The following GDPD1 variants were observed in gnomAD, a reference collection of about 807,000 sequenced individuals.
GDPD1 encodes the protein glycerophosphodiester phosphodiesterase domain containing 1, also known as lysophospholipase D GDPD1.
In GDPD1, 28 loss-of-function variants were observed where a neutral mutation model predicts 45.1. The observed-to-expected ratio is 0.62, with a 90% CI of 0.46 to 0.85. GDPD1 has a LOEUF of 0.85. Among genes scored for constraint, GDPD1 ranks in the 40% least tolerant of loss-of-function variants. GDPD1 has a pLI of 0.00. For missense variants in GDPD1, 256 were observed against 364.8 expected, an observed-to-expected ratio of 0.70 and a Z score of 2.43; for synonymous variants, 139 against 131.4, an observed-to-expected ratio of 1.06 and a Z score of -0.40.
At chr17:59,255,874 TAC>T (rs1226181221) in intron 4 of GDPD1, among the ~76,000 whole-genome samples, 31 of 46,434 alleles carry the variant, frequency 6.7e-4, no homozygotes, top group Middle Eastern at 7.4e-3. Flanking sequence ...TATATATATA[TAC>T]ACACACACAC....
chr17:59,237,937 T>C (rs2047145544), intron 2 of GDPD1, among the ~76,000 whole-genome samples: 3 of 124,342 alleles, frequency 2.4e-5, no homozygotes, highest in South Asian at 5.3e-4. Flanking sequence ...GGGCACAGCC[T>C]GGGCAACAGA....
At chr17:59,229,287 G>A (rs1372998025) in intron 1 of GDPD1, among the ~76,000 whole-genome samples, 1 of 150,418 alleles carries the variant, frequency 6.6e-6, no homozygotes, top group Non-Finnish European at 1.5e-5. Context: ...CGAGTAGCTG[G>A]GATTACAGAT....
At chr17:59,255,786 C>CAT (rs2047296379) in intron 4 of GDPD1, among the ~76,000 whole-genome samples, 1 of 40,410 alleles carries the variant, frequency 2.5e-5, no homozygotes, top group African/African-American at 2.0e-4. Context: ...TATATATATA[C>CAT]GCGTATATAT....
At chr17:59,270,787 C>A (rs1441638869) in intron 7 of GDPD1, 149 bp from the exon 8 acceptor site, 1 of 496,710 alleles carries the variant, frequency 2.0e-6, no homozygotes, top group East Asian at 3.5e-5. Flanking sequence ...ACCCAACTGG[C>A]CTTTATTTTA....
At chr17:59,241,753 C>G (rs369493768) in intron 2 of GDPD1, among the ~76,000 whole-genome samples, 2 of 151,888 alleles carry the variant, frequency 1.3e-5, no homozygotes, top group East Asian at 2.0e-4. Context: ...CATGGTGAAA[C>G]CTCATCTCTA....
At chr17:59,257,331 C>A in intron 5 of GDPD1, 91 bp downstream of exon 5, 2 of 681,060 alleles carry the variant, frequency 2.9e-6, no homozygotes, top group South Asian at 4.1e-5. Context: ...ATTGATAATG[C>A]TCAAGGAAAT....
intron 7 of GDPD1, among the ~76,000 whole-genome samples, chr17:59,268,591 A>AAAG (rs2047418409): frequency 1.4e-5 from 2 of 147,034 alleles, no homozygotes; most frequent in African/African-American, 5.1e-5. Flanking sequence ...AAAAAAAAAA[A>AAAG]AAAAAAAAAA....
intron 6 of GDPD1, among the ~76,000 whole-genome samples, chr17:59,266,357 C>CA (rs1261396839): frequency 7.1e-6 from 1 of 140,222 alleles, no homozygotes; most frequent in Non-Finnish European, 1.5e-5. Flanking sequence ...CACTGCACTC[C>CA]AACCTGGGTG....
intron 2 of GDPD1, among the ~76,000 whole-genome samples, chr17:59,243,605 C>G (rs1819636332): frequency 6.6e-6 from 1 of 152,044 alleles, no homozygotes. Context: ...AGCCATCAGG[C>G]TGTTTTAGGC....
chr17:59,222,505 C>CTTTTTTTTTTTTTTTTTTTTTTTTT (rs149536097), intron 1 of GDPD1, among the ~76,000 whole-genome samples: 2 of 41,738 alleles, frequency 4.8e-5, no homozygotes, highest in Non-Finnish European at 9.2e-5. Flanking sequence ...AGTGCCCAGC[C>CTTTTTTTTTTTTTTTTTTTTTTTTT]TTTTTTTTTT....
At chr17:59,253,755 G>A (rs901490587) in intron 4 of GDPD1, among the ~76,000 whole-genome samples, 16 of 151,912 alleles carry the variant, frequency 1.1e-4, no homozygotes, top group East Asian at 5.8e-4. Flanking sequence ...GTGAAGTCCC[G>A]GAGAAAGACA....
intron 4 of GDPD1, among the ~76,000 whole-genome samples, chr17:59,254,428 G>A (rs1320266688): frequency 1.3e-5 from 2 of 151,924 alleles, no homozygotes; most frequent in South Asian, 2.1e-4. Context: ...CTATTTGGAG[G>A]CTGAGGCAGG....
At chr17:59,260,497 G>C (rs1488910664) in intron 6 of GDPD1, among the ~76,000 whole-genome samples, 1 of 150,926 alleles carries the variant, frequency 6.6e-6, no homozygotes, top group African/African-American at 2.4e-5. Flanking sequence ...AGCTGGGATC[G>C]CACCACTGCA....
chr17:59,234,122 CA>C (rs2047112910), intron 1 of GDPD1, among the ~76,000 whole-genome samples: 1 of 151,896 alleles, frequency 6.6e-6, no homozygotes, highest in Non-Finnish European at 1.5e-5. Context: ...CCGAGATGGA[CA>C]GATCACGCGG....
intron 2 of GDPD1, among the ~76,000 whole-genome samples, chr17:59,242,883 C>T (rs1207242578): frequency 6.6e-6 from 1 of 152,194 alleles, no homozygotes; most frequent in African/African-American, 2.4e-5. Context: ...TTGCAGTGCA[C>T]ATGTGGGCAT....
chr17:59,225,151 G>T, intron 1 of GDPD1, among the ~76,000 whole-genome samples: 1 of 145,080 alleles, frequency 6.9e-6, no homozygotes. Flanking sequence ...GAGTCCAGTG[G>T]TATGATCTCG....
At chr17:59,258,272 G>A (rs62083294) in intron 6 of GDPD1, among the ~76,000 whole-genome samples, 15,301 of 151,634 alleles carry the variant, frequency 0.1, 1,024 homozygotes, top group South Asian at 0.26. Context: ...CAGGCCGGGC[G>A]CAGTGGCTCA....
At chr17:59,254,913 A>G (rs183724576) in intron 4 of GDPD1, among the ~76,000 whole-genome samples, 4 of 152,244 alleles carry the variant, frequency 2.6e-5, no homozygotes, top group African/African-American at 9.6e-5. Context: ...CCATATTGTT[A>G]TGCTTAACAG....
intron 1 of GDPD1, among the ~76,000 whole-genome samples, chr17:59,233,511 CAAAAA>C (rs35485066): frequency 4.4e-5 from 4 of 91,080 alleles, no homozygotes; most frequent in South Asian, 3.7e-4. Flanking sequence ...GACTCCGTCT[CAAAAA>C]AAAAAAAAAA....
Sources: gnomAD v4.1 joint callset for allele counts (sites outside exome capture counted in the v4.1 genomes callset) on GRCh38, gnomAD v4.1.1 for gene constraint, MANE v1.5 for transcripts, NCBI Gene and HGNC (gene_info 2026-07-23, HGNC 2026-07-21) for gene names.